Variants in RBFOX3 observed in about 807,000 individuals in gnomAD.
The protein encoded by RBFOX3 is RNA binding fox-1 homolog 3.
In RBFOX3, 17 loss-of-function variants were observed where a neutral mutation model predicts 48.7. The ratio of observed to expected loss-of-function variants is 0.35; its 90% confidence interval spans 0.24 to 0.52. The LOEUF is 0.52. RBFOX3 is among the 20% of genes least tolerant of loss of function. The pLI is 0.94. For missense variants in RBFOX3, 382 were observed against 497.5 expected (o/e 0.77, Z 2.21); for synonymous variants, 212 against 209.5 (o/e 1.01, Z -0.10).
At chr17:79,238,850 A>AT (rs1207524602) in intron 3 of RBFOX3, among the ~76,000 whole-genome samples, 1 of 152,092 alleles carries the variant, frequency 6.6e-6, no homozygotes, top group Non-Finnish European at 1.5e-5. Context: ...AAGAGTCCCC[A>AT]TTTTTGAAAG....
chr17:79,163,406 C>T (rs2047363667), intron 4 of RBFOX3, among the ~76,000 whole-genome samples: 1 of 152,232 alleles, frequency 6.6e-6, no homozygotes, highest in Non-Finnish European at 1.5e-5. Context: ...CAGGGATGCT[C>T]TTCAGGCTGT....
rs866809787 is a variant in RBFOX3 at position 79,356,358 on chromosome 17, T to G, written c.-174-48534A>C. Among the ~76,000 whole-genome samples, 124 of 64,388 alleles carry G rather than the reference T, an allele frequency of 1.9e-3. 1 individual carries two copies. The highest frequency in any genetic ancestry group is 7.2e-3 in the African/African-American group (103 of 14,398). The allele number at this position is 64,388 out of a possible 152,430, so 42.2% of individuals were successfully genotyped here. A position where few individuals can be genotyped will look rare whatever the true frequency, so the allele number is the denominator to read the frequency against. On this transcript the variant is annotated intron_variant, in intron 2 of 14. Transcript: ENST00000693108. ...TTTTAAAACAGGGAAGTTTTTTTTT[T>G]TTTTTTTTTTTTTTTTTTTTTTTTT...
intron 14 of RBFOX3, among the ~76,000 whole-genome samples, chr17:79,093,520 T>TG (rs1438977114): frequency 7.0e-6 from 1 of 142,262 alleles, no homozygotes; most frequent in African/African-American, 2.7e-5. Context: ...CACAGGCTGC[T>TG]GGGGGTGTCT....
intron 2 of RBFOX3, among the ~76,000 whole-genome samples, chr17:79,317,186 C>T (rs1329315507): frequency 6.6e-6 from 1 of 152,196 alleles, no homozygotes; most frequent in Non-Finnish European, 1.5e-5. Context: ...TTTCTCAAGG[C>T]CACACAGTCA....
At chr17:79,116,199 G>C (rs1171862849) in intron 4 of RBFOX3, among the ~76,000 whole-genome samples, 1 of 152,190 alleles carries the variant, frequency 6.6e-6, no homozygotes, top group African/African-American at 2.4e-5. Flanking sequence ...ACAACACACA[G>C]AATGTTCCAG....
intron 2 of RBFOX3, among the ~76,000 whole-genome samples, chr17:79,367,785 G>A (rs1032106869): frequency 6.6e-6 from 1 of 152,118 alleles, no homozygotes; most frequent in African/African-American, 2.4e-5. Context: ...GGCAGCCAAG[G>A]TATGTGACAG....
intron 2 of RBFOX3, among the ~76,000 whole-genome samples, chr17:79,403,881 A>G (rs112610943): frequency 1.4e-5 from 2 of 147,288 alleles, no homozygotes; most frequent in South Asian, 2.1e-4. Context: ...CCGGGTTCAC[A>G]CCATTCTCCT....
chr17:79,503,462 A>G (rs1423485388), intron 1 of RBFOX3, among the ~76,000 whole-genome samples: 1 of 152,222 alleles, frequency 6.6e-6, no homozygotes, highest in African/African-American at 2.4e-5. Context: ...TAATATATTC[A>G]CACTATTATC....
intron 4 of RBFOX3, among the ~76,000 whole-genome samples, chr17:79,164,287 T>C (rs1412601183): frequency 6.6e-6 from 1 of 152,098 alleles, no homozygotes; most frequent in Non-Finnish European, 1.5e-5. Context: ...TAGGGCATAG[T>C]GGGGAGCTGG....
At chr17:79,501,412 C>T (rs1009106326) in intron 1 of RBFOX3, among the ~76,000 whole-genome samples, 1 of 152,228 alleles carries the variant, frequency 6.6e-6, no homozygotes, top group South Asian at 2.1e-4. Context: ...AAAAGCCTCA[C>T]AGCTACCAAA....
intron 4 of RBFOX3, among the ~76,000 whole-genome samples, chr17:79,134,528 G>C (rs2039715422): frequency 6.6e-6 from 1 of 152,242 alleles, no homozygotes; most frequent in Admixed American, 6.5e-5. Context: ...AGTGAGGTCT[G>C]TGTTGCATGG....
intron 1 of RBFOX3, chr17:79,599,211 A>T (rs2093644116): frequency 6.6e-6 from 1 of 152,174 alleles, no homozygotes; most frequent in Admixed American, 6.5e-5. Flanking sequence ...ACATACTAAT[A>T]TGCTGGCCAG....
chr17:79,376,825 G>A (rs996319285), intron 2 of RBFOX3, among the ~76,000 whole-genome samples: 6 of 152,138 alleles, frequency 3.9e-5, no homozygotes, highest in African/African-American at 1.4e-4. Flanking sequence ...GACATCGTGA[G>A]CACAAGGACA....
At chr17:79,483,981 T>TCCAAC (rs72096803) in intron 1 of RBFOX3, among the ~76,000 whole-genome samples, 23,461 of 151,964 alleles carry the variant, frequency 0.15, 2,059 homozygotes, top group East Asian at 0.43. Context: ...CTTAATTTAC[T>TCCAAC]CCAACCCAAA....
chr17:79,344,037 G>A (rs1385887268), intron 2 of RBFOX3, among the ~76,000 whole-genome samples: 1 of 152,164 alleles, frequency 6.6e-6, no homozygotes, highest in Non-Finnish European at 1.5e-5. Flanking sequence ...TCTGTGACAA[G>A]GACAAACACT....
At chr17:79,115,330 C>T (rs2033591843) in intron 5 of RBFOX3, among the ~76,000 whole-genome samples, 164 bp downstream of exon 5, 1 of 152,182 alleles carries the variant, frequency 6.6e-6, no homozygotes, top group Non-Finnish European at 1.5e-5. Context: ...GGGGTGACTT[C>T]TGGCCCAGGA....
At chr17:79,602,229 G>A (rs1205517708) in intron 1 of RBFOX3, among the ~76,000 whole-genome samples, 3 of 152,152 alleles carry the variant, frequency 2.0e-5, no homozygotes, top group African/African-American at 7.2e-5. Context: ...TCTCCCTCCC[G>A]CCCTTTGGCC....
intron 4 of RBFOX3, among the ~76,000 whole-genome samples, chr17:79,194,644 A>T (rs1018519346): frequency 1.3e-4 from 20 of 151,692 alleles, no homozygotes; most frequent in Non-Finnish European, 2.6e-4. Flanking sequence ...TGGTTCTTCA[A>T]GAGTTTTGTG....
intron 2 of RBFOX3, among the ~76,000 whole-genome samples, chr17:79,331,450 C>A (rs1243612055): frequency 2.0e-5 from 3 of 152,184 alleles, no homozygotes; most frequent in Non-Finnish European, 4.4e-5. Context: ...AAGACCCACC[C>A]CAAGCTGAAC....
Sources: gnomAD v4.1 joint callset for allele counts (sites outside exome capture counted in the v4.1 genomes callset) on GRCh38, gnomAD v4.1.1 for gene constraint, MANE v1.5 for transcripts, NCBI Gene and HGNC (gene_info 2026-07-23, HGNC 2026-07-21) for gene names.